The following LRRC9 variants were observed in gnomAD, a reference collection of about 807,000 sequenced individuals.
LRRC9 encodes the protein leucine rich repeat containing 9.
A neutral mutation model predicts 63.2 loss-of-function variants in LRRC9; 122 were observed. That is an observed-to-expected ratio of 1.93 (90% CI 1.67 to 2.24). The LOEUF (loss-of-function observed/expected upper bound fraction) is 2.24. LRRC9 is among the 30% of genes most tolerant of loss of function. The probability of loss-of-function intolerance (pLI) is 0.00; values close to 1 mark genes in which losing one functional copy is unlikely to be tolerated. For missense variants in LRRC9, 1,071 were observed against 627.7 expected, an observed-to-expected ratio of 1.71 and a Z score of -7.55; for synonymous variants, 366 against 213.1, an observed-to-expected ratio of 1.72 and a Z score of -6.25.
At chr14:59,960,968 A>G (rs1368376917) in exon 10 of LRRC9, 4 of 696,640 alleles carry the variant, frequency 5.7e-6, no homozygotes, top group Non-Finnish European at 1.0e-5. Flanking sequence ...GTCATGGCTT[A>G]TTGATCCCAC....
rs1887482016 is a variant in LRRC9, at chr14:59,986,442, A to G, written c.2211+1218A>G. 1.3e-5 allele frequency among the ~76,000 whole-genome samples: 2 copies of G among 152,138 alleles called. No individual in the cohort carries two copies. The highest frequency in any genetic ancestry group is 1.3e-4 in the Admixed American group (2 of 15,270). ...TCTTTTACTTATTGGCATTAGGTTT[A>G]GATTTAGTGTTAAACTCACTTCCTT... On this transcript the variant is annotated intron_variant, in intron 17 of 31. Coordinates refer to ENST00000445360, the Ensembl canonical transcript of LRRC9. The surrounding 1 kb of genome is among the most constrained non-coding windows in gnomAD (Gnocchi z 4.7).
chr14:59,990,850 A>C lies in LRRC9; in HGVS notation c.2211+5626A>C, dbSNP rs973932193. On this transcript the variant is annotated intron_variant, in intron 17 of 31. Coordinates refer to ENST00000445360, the Ensembl canonical transcript of LRRC9. The surrounding 1 kb of genome is among the most constrained non-coding windows in gnomAD (Gnocchi z 4.2). ...ACTGTTCTGGGGCTCTCCTGTTTTC[A>C]GGTCCATCAGATGCTGCCCTGACAC... Among the ~76,000 whole-genome samples, 1 of 152,206 alleles carries C rather than the reference A, an allele frequency of 6.6e-6. No homozygotes were observed. Among genetic ancestry groups the C allele is most frequent in the African/African-American group, 2.4e-5 (1 of 41,454 alleles).
intron 5 of LRRC9, 74 bp from the exon 6 acceptor site, chr14:59,931,895 C>T (rs1008626036): frequency 1.5e-6 from 1 of 670,994 alleles, no homozygotes; most frequent in Non-Finnish European, 2.7e-6. Flanking sequence ...ACGATGGCTA[C>T]ATACAACTCA....
intron 26 of LRRC9, among the ~76,000 whole-genome samples, chr14:60,022,378 G>A (rs150525950): frequency 6.6e-6 from 1 of 151,754 alleles, no homozygotes; most frequent in East Asian, 1.9e-4. Context: ...ATTGCTTCAA[G>A]TAGTTTTTTG....
intron 31 of LRRC9, chr14:60,062,159 G>C (rs1275373668): frequency 5.0e-6 from 2 of 398,446 alleles, no homozygotes; most frequent in Non-Finnish European, 8.9e-6. Flanking sequence ...AAATATACCA[G>C]AGCAACCAAG....
At chr14:59,955,830 G>T (rs1883686121) in intron 8 of LRRC9, among the ~76,000 whole-genome samples, 1 of 152,102 alleles carries the variant, frequency 6.6e-6, no homozygotes. Context: ...AGAGATTCTG[G>T]TACGTTGTCT....
exon 8 of LRRC9, chr14:59,944,744 T>G: frequency 1.5e-6 from 1 of 663,816 alleles, no homozygotes; most frequent in Non-Finnish European, 2.7e-6. Flanking sequence ...TGAAGAAAAC[T>G]GTAAGATTTA....
Position 60,004,581 on chromosome 14 carries a change from C to G in LRRC9, c.2842+783C>G, listed in dbSNP as rs1320018923. Reference sequence around the variant, plus strand: ...CTTTTCCTCCCTTTCCCCTTCCAAGCTTCTTAGATTCTTCACTTCATTTGG... The same window carrying G: ...CTTTTCCTCCCTTTCCCCTTCCAAGGTTCTTAGATTCTTCACTTCATTTGG... On this transcript the variant is annotated intron_variant, in intron 21 of 31. Transcript: ENST00000445360. This position sits in a 1 kb window ranked among gnomAD's most constrained non-coding sequence, Gnocchi z 4.8. Among the ~76,000 whole-genome samples, 1 of 151,984 alleles carries G rather than the reference C, an allele frequency of 6.6e-6. No individual in the cohort carries two copies. Among genetic ancestry groups the G allele is most frequent in the Non-Finnish European group, 1.5e-5 (1 of 67,934 alleles).
chr14:59,945,454 T>C (rs1057054711), intron 8 of LRRC9, among the ~76,000 whole-genome samples: 4 of 151,468 alleles, frequency 2.6e-5, no homozygotes, highest in African/African-American at 9.7e-5. Flanking sequence ...CAAATGTAAA[T>C]ACCAGTAGGA....
rs1166389642 is a variant in LRRC9 at position 60,008,087 on chromosome 14, C to T, written c.3064-5C>T. 1 of 681,144 alleles carries T rather than the reference C, an allele frequency of 1.5e-6. No homozygotes were observed. The highest frequency in any genetic ancestry group is 2.7e-6 in the Non-Finnish European group (1 of 374,892). 42.2% of individuals were successfully genotyped at this position (681,144 alleles called of 1,614,324 possible). On this transcript the variant is annotated splice_region_variant and splice_polypyrimidine_tract_variant and intron_variant, in intron 22 of 31. Transcript: ENST00000445360. The stretch of plus-strand genomic sequence containing the variant: ...ATAGATGAATATATGTATTTTATTA[C>T]CTAGGGTTTATGCAACTTGGTCATT...
rs1884880550 is a variant in LRRC9 at position 59,966,580 on chromosome 14, C to G, written c.1212-9C>G. The G allele has an allele frequency of 1.6e-6, 1 of 643,794 alleles. No homozygotes were observed. The highest frequency in any genetic ancestry group is 2.8e-6 in the Non-Finnish European group (1 of 356,364). 39.9% of individuals were successfully genotyped at this position (643,794 alleles called of 1,614,324 possible). A position where few individuals can be genotyped will look rare whatever the true frequency, so the allele number is the denominator to read the frequency against. ...TCTTCATGTATATTCTGTATGTATT[C>G]CCACATAGGTTTAATTTCTGCTATG... On this transcript the variant is annotated splice_polypyrimidine_tract_variant and intron_variant, in intron 10 of 31. Transcript: ENST00000445360. This position sits in a 1 kb window ranked among gnomAD's most constrained non-coding sequence, Gnocchi z 4.0.
Position 60,027,240 on chromosome 14 carries a change from C to G in LRRC9, c.3704-644C>G, listed in dbSNP as rs948795970. Among the ~76,000 whole-genome samples, 1 of 151,890 alleles carries G rather than the reference C, an allele frequency of 6.6e-6. No homozygotes were observed. The highest frequency in any genetic ancestry group is 2.4e-5 in the African/African-American group (1 of 41,400). ...ATTTCCCCTGTAGTATTTTGAGACT[C>G]TAATAGAAAATACTGTACATATAAA... On this transcript the variant is annotated intron_variant, in intron 27 of 31. Transcript: ENST00000445360. The surrounding 1 kb of genome is among the most constrained non-coding windows in gnomAD (Gnocchi z 4.0).
rs1894022460 is a variant in LRRC9 at position 60,053,245 on chromosome 14, A to G, written c.4131+40A>G. Reference sequence around the variant, plus strand: ...ATTTACAATTTTCCTTTTGAAGCACATTAATGGTTAGTAAATGAACATTAT... The same window carrying G: ...ATTTACAATTTTCCTTTTGAAGCACGTTAATGGTTAGTAAATGAACATTAT... On this transcript the variant is annotated intron_variant, in intron 30 of 31. Coordinates refer to ENST00000445360, the Ensembl canonical transcript of LRRC9. This position sits in a 1 kb window ranked among gnomAD's most constrained non-coding sequence, Gnocchi z 4.8. The G allele has an allele frequency of 5.9e-6, 4 of 678,126 alleles. No homozygotes were observed. The highest frequency in any genetic ancestry group is 1.1e-5 in the Non-Finnish European group (4 of 373,106). 42.0% of individuals were successfully genotyped at this position (678,126 alleles called of 1,614,324 possible). A position where few individuals can be genotyped will look rare whatever the true frequency, so the allele number is the denominator to read the frequency against.
chr14:60,024,184 C>T (rs538257243), intron 27 of LRRC9, among the ~76,000 whole-genome samples: 89 of 152,182 alleles, frequency 5.8e-4, no homozygotes, highest in Middle Eastern at 3.4e-3. Flanking sequence ...CTGGGTCAAA[C>T]GGTATTTCTG....
intron 13 of LRRC9, among the ~76,000 whole-genome samples, chr14:59,975,111 A>ATG (rs1393681849): frequency 6.3e-5 from 2 of 31,738 alleles, no homozygotes; most frequent in East Asian, 8.8e-4. Flanking sequence ...ACATATATAT[A>ATG]TGTATATATA....
intron 8 of LRRC9, among the ~76,000 whole-genome samples, chr14:59,952,056 T>C (rs1463269976): frequency 4.6e-5 from 7 of 152,152 alleles, no homozygotes; most frequent in Admixed American, 3.3e-4. Context: ...CTGCTTTGTT[T>C]ACCTAAGCAA....
intron 28 of LRRC9, among the ~76,000 whole-genome samples, chr14:60,029,782 A>G (rs944269799): frequency 2.0e-5 from 3 of 152,130 alleles, no homozygotes; most frequent in African/African-American, 7.2e-5. Flanking sequence ...GAGATTCTAC[A>G]TATCATTGAA....
chr14:59,946,710 T>C (rs1380631610), intron 8 of LRRC9, among the ~76,000 whole-genome samples: 1 of 144,172 alleles, frequency 6.9e-6, no homozygotes, highest in Admixed American at 7.1e-5. Context: ...CCTGTGTCCA[T>C]GTGATCTCAT....
rs1889350110 is a variant in LRRC9 at position 59,927,952 on chromosome 14, A to T, written c.9A>T (p.Glu3Asp). 2 of 681,054 alleles carry T rather than the reference A, an allele frequency of 2.9e-6. No homozygotes were observed. The highest frequency in any genetic ancestry group is 5.3e-6 in the Non-Finnish European group (2 of 376,458). The allele number at this position is 681,054 out of a possible 1,614,324, so 42.2% of individuals were successfully genotyped here. The change falls in exon 2 of 32, where the codon GAA (glutamate) becomes GAT (aspartate). Residue 3 changes from glutamate to aspartate, a missense_variant. By Grantham distance (45) the Glu-to-Asp change is conservative. Coordinates refer to ENST00000445360, the Ensembl canonical transcript of LRRC9. The surrounding 1 kb of genome is among the most constrained non-coding windows in gnomAD (Gnocchi z 4.4). The stretch of plus-strand genomic sequence containing the variant: ...ACTGTTTTTAATGGAAGATGATTGA[A>T]AGTGAAAACCTAAACCAAGAAGAAA...
Sources: allele counts gnomAD v4.1 joint callset (sites outside exome capture counted in the v4.1 genomes callset), GRCh38; gene constraint gnomAD v4.1.1; non-coding constraint Gnocchi (gnomAD v3.1); transcripts MANE v1.5; gene names NCBI Gene and HGNC (gene_info 2026-07-23, HGNC 2026-07-21).